The following ZNF331 variants were observed in gnomAD, a reference collection of about 807,000 sequenced individuals.
ZNF331 encodes the protein C2H2-like zinc finger protein rearranged in thyroid adenomas.
ZNF331 carries 2 observed loss-of-function variants against 7.0 expected under a neutral mutation model. The observed-to-expected ratio is 0.29, with a 90% CI of 0.12 to 0.90. The LOEUF (loss-of-function observed/expected upper bound fraction) is 0.90, where lower values mean the gene tolerates loss of function less well. ZNF331 is among the 40% of genes least tolerant of loss of function. The probability of loss-of-function intolerance (pLI) is 0.58; values close to 1 mark genes in which losing one functional copy is unlikely to be tolerated. For synonymous variants in ZNF331, 196 were observed against 205.4 expected (o/e 0.95, Z 0.39); for missense variants, 432 against 587.7 (o/e 0.74, Z 2.74).
At chr19:53,551,053 G>A (rs1336257433) in intron 2 of ZNF331, among the ~76,000 whole-genome samples, 4 of 150,122 alleles carry the variant, frequency 2.7e-5, no homozygotes, top group African/African-American at 4.9e-5. Flanking sequence ...GGCTGGTGTC[G>A]AACTCCTGAC....
At chr19:53,567,483 T>G (rs1030472780) in intron 3 of ZNF331, among the ~76,000 whole-genome samples, 1 of 152,176 alleles carries the variant, frequency 6.6e-6, no homozygotes, top group Non-Finnish European at 1.5e-5. Flanking sequence ...ATGGTCTGCA[T>G]AGAAGACCAC....
upstream of ZNF331, among the ~76,000 whole-genome samples, chr19:53,520,114 C>T (rs2087011615): frequency 6.6e-6 from 1 of 150,644 alleles, no homozygotes; most frequent in Admixed American, 6.6e-5. Context: ...GTGGTGTGAT[C>T]TCGGCTCACT....
chr19:53,509,860 G>A, the ZNF331 span, among the ~76,000 whole-genome samples: 248 of 152,330 alleles, frequency 1.6e-3, no homozygotes, highest in African/African-American at 5.7e-3. Flanking sequence ...TGGATGGGGA[G>A]GCCTCAGGAA....
chr19:53,563,008 A>G (rs1410200842), intron 3 of ZNF331, among the ~76,000 whole-genome samples: 3 of 151,620 alleles, frequency 2.0e-5, no homozygotes, highest in Admixed American at 6.6e-5. Flanking sequence ...AAAACAAAAA[A>G]CCAGATTCAC....
chr19:53,570,858 C>T (rs62143922), intron 4 of ZNF331, among the ~76,000 whole-genome samples: 2 of 131,136 alleles, frequency 1.5e-5, no homozygotes, highest in Non-Finnish European at 3.2e-5. Context: ...CTTTTCTTTT[C>T]TTTTCTTTTT....
chr19:53,572,563 CACATATATATTATATATACACAT>C, intron 5 of ZNF331, among the ~76,000 whole-genome samples: 1 of 102,810 alleles, frequency 9.7e-6, no homozygotes, highest in South Asian at 2.4e-4. Context: ...TATATACACA[CACATATATATTATATATACACAT>C]ATATATTATA....
chr19:53,531,474 C>T (rs1046094107), intron 2 of ZNF331, among the ~76,000 whole-genome samples: 2 of 152,144 alleles, frequency 1.3e-5, no homozygotes, highest in African/African-American at 4.8e-5. Context: ...CCTCCTGGAG[C>T]TTAACATTAG....
rs527391326 is a variant in ZNF331, at chr19:53,546,140, G to GAAAAAAAAAAAAAAA, written c.-138+6865_-138+6879dup. ...CCTTCAGAAAAAGCATCCTGAGGGG[G>GAAAAAAAAAAAAAAA]AAAAAAAAAAAAAAAAAAAAATTAT... is the stretch of plus-strand genomic sequence containing the variant. On this transcript the variant is annotated intron_variant, in intron 2 of 5. Coordinates refer to ENST00000449416, the MANE Select transcript of ZNF331 (RefSeq NM_001079906.2). Among the ~76,000 whole-genome samples, 18 of 113,506 alleles carry GAAAAAAAAAAAAAAA rather than the reference G, an allele frequency of 1.6e-4. 1 individual carries two copies. Among genetic ancestry groups the GAAAAAAAAAAAAAAA allele is most frequent in the South Asian group, 3.5e-4 (1 of 2,892 alleles). 74.5% of individuals were successfully genotyped at this position (113,506 alleles called of 152,430 possible).
chr19:53,524,694 T>A (rs1264358847), intron 2 of ZNF331, among the ~76,000 whole-genome samples: 4 of 152,274 alleles, frequency 2.6e-5, no homozygotes, highest in African/African-American at 7.2e-5. Context: ...ATTGCAAAAA[T>A]TTTCTCCCAT....
chr19:53,538,114 C>G, upstream of ZNF331: 1 of 151,172 alleles, frequency 6.6e-6, no homozygotes, highest in East Asian at 1.9e-4. Flanking sequence ...GCGCGCTGGC[C>G]TCCAGGGGGT....
exon 1 of ZNF331, chr19:53,521,096 A>C (rs903075743): frequency 5.3e-5 from 8 of 152,274 alleles, no homozygotes; most frequent in Admixed American, 5.2e-4. Context: ...GGATTTTTAA[A>C]AATGGTTTCT....
chr19:53,526,004 A>C (rs2087280236), intron 2 of ZNF331, among the ~76,000 whole-genome samples: 1 of 152,192 alleles, frequency 6.6e-6, no homozygotes, highest in Admixed American at 6.5e-5. Context: ...GAATTTTGTC[A>C]GATGCTTTTT....
chr19:53,544,088 G>A (rs1233113886), intron 2 of ZNF331, among the ~76,000 whole-genome samples: 5 of 150,906 alleles, frequency 3.3e-5, no homozygotes, highest in East Asian at 1.9e-4. Context: ...TTGGCTGGGC[G>A]TGGTGGCATG....
At chr19:53,529,435 G>A (rs2087445373) in intron 2 of ZNF331, among the ~76,000 whole-genome samples, 2 of 151,940 alleles carry the variant, frequency 1.3e-5, no homozygotes, top group South Asian at 4.2e-4. Context: ...CTGGAGAAGT[G>A]GAATAATATC....
chr19:53,573,636 T>C lies in ZNF331; in HGVS notation c.136+1906T>C, dbSNP rs1182777909. Among the ~76,000 whole-genome samples the C allele has an allele frequency of 6.6e-6, 1 of 151,822 alleles. No individual in the cohort carries two copies. The highest frequency in any genetic ancestry group is 2.4e-5 in the African/African-American group (1 of 41,318). On this transcript the variant is annotated intron_variant, in intron 5 of 5. Transcript: ENST00000449416. This position sits in a 1 kb window ranked among gnomAD's most constrained non-coding sequence, Gnocchi z 4.2. Reference sequence around the variant, plus strand: ...GTGCACACCACGACACCCGGCTAATTGTTGTGTTTTTTCTTAGAGATGGGA... The same window carrying C: ...GTGCACACCACGACACCCGGCTAATCGTTGTGTTTTTTCTTAGAGATGGGA...
intron 2 of ZNF331, among the ~76,000 whole-genome samples, chr19:53,545,831 G>T (rs1176543150): frequency 1.3e-5 from 2 of 152,172 alleles, no homozygotes; most frequent in Non-Finnish European, 2.9e-5. Flanking sequence ...CTCCGTACCG[G>T]CTCCTGTGTC....
upstream of ZNF331, among the ~76,000 whole-genome samples, chr19:53,518,720 T>C (rs1346324812): frequency 1.3e-5 from 2 of 152,194 alleles, no homozygotes; most frequent in Admixed American, 6.5e-5. Flanking sequence ...AGAAAAGAGA[T>C]AGGAGAAAAG....
At chr19:53,559,505 C>T (rs980379028) in intron 3 of ZNF331, among the ~76,000 whole-genome samples, 1 of 150,234 alleles carries the variant, frequency 6.7e-6, no homozygotes, top group African/African-American at 2.5e-5. Context: ...CATATATACA[C>T]ACCTACATAT....
chr19:53,506,473 T>C, the ZNF331 span, among the ~76,000 whole-genome samples: 1 of 145,238 alleles, frequency 6.9e-6, no homozygotes, highest in South Asian at 2.2e-4. Context: ...TCTCTCTCTC[T>C]CTCTCTCTGT....
Sources: allele counts gnomAD v4.1 joint callset (sites outside exome capture counted in the v4.1 genomes callset), GRCh38; gene constraint gnomAD v4.1.1; non-coding constraint Gnocchi (gnomAD v3.1); transcripts MANE v1.5; gene names NCBI Gene and HGNC (gene_info 2026-07-23, HGNC 2026-07-21).